Variants in KCNH1 observed in about 807,000 individuals in gnomAD.
KCNH1 encodes voltage-gated delayed rectifier potassium channel KCNH1.
A neutral mutation model predicts 69.2 loss-of-function variants in KCNH1; 27 were observed. That is an observed-to-expected ratio of 0.39 (90% CI 0.29 to 0.54). The LOEUF (loss-of-function observed/expected upper bound fraction) is 0.54. KCNH1 is among the 20% of genes least tolerant of loss of function. The pLI is 0.68. For missense variants in KCNH1, 798 were observed against 1,261.6 expected (o/e 0.63, Z 5.57); for synonymous variants, 456 against 487.7 (o/e 0.93, Z 0.86).
At position 210,733,949 on chromosome 1, in the gene KCNH1, T is replaced by TCACACACA. The variant is rs142236390; in HGVS notation, c.2112+41391_2112+41398dup. Among the ~76,000 whole-genome samples the TCACACACA allele has an allele frequency of 4.1e-4, 33 of 80,486 alleles. No homozygotes were observed. In the South Asian group the frequency reaches 4.3e-3, roughly 10 times the overall value. 52.8% of individuals were successfully genotyped at this position (80,486 alleles called of 152,430 possible). On this transcript the variant is annotated intron_variant, in intron 10 of 10. Transcript: ENST00000271751. The stretch of plus-strand genomic sequence containing the variant: ...TCTTCAATTAGTATGTCTGTCTGTC[T>TCACACACA]CACACACACACACACACACACACAC...
chr1:210,795,252 T>G (rs1684286367), intron 9 of KCNH1, among the ~76,000 whole-genome samples: 1 of 152,034 alleles, frequency 6.6e-6, no homozygotes, highest in Non-Finnish European at 1.5e-5. Flanking sequence ...CCGCTTCTGA[T>G]CCTCCCACCT....
chr1:211,094,380 G>A (rs2102476216), intron 3 of KCNH1, among the ~76,000 whole-genome samples: 1 of 152,328 alleles, frequency 6.6e-6, no homozygotes, highest in African/African-American at 2.4e-5. Context: ...GTAGCAGTCT[G>A]TGGCCTGGGA....
At chr1:210,699,031 C>T (rs73067447) in intron 10 of KCNH1, among the ~76,000 whole-genome samples, 5,089 of 152,332 alleles carry the variant, frequency 0.033, 173 homozygotes, top group African/African-American at 0.091. Flanking sequence ...AAGTGTATTT[C>T]TCCAGCTGGG....
intron 7 of KCNH1, among the ~76,000 whole-genome samples, chr1:210,853,365 A>G (rs563180426): frequency 6.6e-6 from 1 of 152,326 alleles, no homozygotes; most frequent in South Asian, 2.1e-4. Context: ...GAGATGCAGC[A>G]AAGTCCTTGT....
At chr1:210,819,580 CTAG>C (rs1284193493) in intron 7 of KCNH1, among the ~76,000 whole-genome samples, 2 of 151,136 alleles carry the variant, frequency 1.3e-5, no homozygotes, top group Non-Finnish European at 2.9e-5. Context: ...TAAGCAGTGA[CTAG>C]TAGTTAGAAA....
At chr1:210,704,892 C>T (rs952431893) in intron 10 of KCNH1, among the ~76,000 whole-genome samples, 17 of 152,310 alleles carry the variant, frequency 1.1e-4, no homozygotes, top group South Asian at 2.1e-4. Flanking sequence ...GAGCCAGGGA[C>T]GGCAAATGAT....
intron 6 of KCNH1, among the ~76,000 whole-genome samples, chr1:211,000,628 A>T (rs145184581): frequency 5.3e-5 from 8 of 152,144 alleles, no homozygotes; most frequent in Non-Finnish European, 1.0e-4. Flanking sequence ...CATCAAGCTA[A>T]CAATGACTTT....
chr1:210,928,840 A>G (rs1486258207), intron 6 of KCNH1, among the ~76,000 whole-genome samples: 1 of 152,184 alleles, frequency 6.6e-6, no homozygotes, highest in Non-Finnish European at 1.5e-5. Context: ...TACAAACGAA[A>G]CGAGAGATAC....
intron 6 of KCNH1, among the ~76,000 whole-genome samples, chr1:210,972,908 A>G (rs1214227603): frequency 2.0e-4 from 28 of 141,422 alleles, no homozygotes; most frequent in Non-Finnish European, 4.1e-4. Context: ...TTCTCCTTCC[A>G]TTCACTACCA....
intron 5 of KCNH1, 81 bp from the exon 6 acceptor site, chr1:211,019,337 C>T (rs987992210): frequency 2.4e-5 from 20 of 829,044 alleles, no homozygotes; most frequent in South Asian, 1.3e-4. Flanking sequence ...CAGTGATTGA[C>T]AAATGGTCAC....
chr1:211,038,172 A>G (rs985398443), intron 5 of KCNH1, among the ~76,000 whole-genome samples: 12 of 152,088 alleles, frequency 7.9e-5, no homozygotes, highest in Admixed American at 2.0e-4. Context: ...CGTGTTAGCC[A>G]GGATGGTCTC....
At chr1:210,857,439 C>T (rs551974945) in intron 7 of KCNH1, among the ~76,000 whole-genome samples, 1 of 151,788 alleles carries the variant, frequency 6.6e-6, no homozygotes, top group East Asian at 1.9e-4. Context: ...CAGGCAACAA[C>T]AGAAGTTTTC....
intron 2 of KCNH1, among the ~76,000 whole-genome samples, chr1:211,105,174 C>T (rs950745981): frequency 6.6e-6 from 1 of 152,210 alleles, no homozygotes; most frequent in African/African-American, 2.4e-5. Flanking sequence ...AAACGGAAAA[C>T]TGAGCTTGTT....
At chr1:211,073,585 C>A (rs919725854) in intron 5 of KCNH1, among the ~76,000 whole-genome samples, 1 of 152,044 alleles carries the variant, frequency 6.6e-6, no homozygotes, top group South Asian at 2.1e-4. Context: ...TCCAAAAATA[C>A]TTGGAGACTA....
chr1:211,112,616 G>T (rs1481898086), intron 1 of KCNH1, among the ~76,000 whole-genome samples: 4 of 151,584 alleles, frequency 2.6e-5, no homozygotes, highest in Non-Finnish European at 5.9e-5. Context: ...CACCCACTCA[G>T]AAGATTCTCA....
At chr1:211,040,651 C>T (rs1359704636) in intron 5 of KCNH1, among the ~76,000 whole-genome samples, 1 of 152,130 alleles carries the variant, frequency 6.6e-6, no homozygotes, top group Non-Finnish European at 1.5e-5. Context: ...TTTTTCGTGT[C>T]CAGTAAATAT....
rs141269240 is a variant in KCNH1, at chr1:210,741,706, C to G, written c.2112+33642G>C. Among the ~76,000 whole-genome samples, 580 of 152,244 alleles carry G rather than the reference C, an allele frequency of 3.8e-3. 6 individuals are homozygous for G. Among genetic ancestry groups the G allele is most frequent in the Non-Finnish European group, 3.7e-3 (255 of 68,034 alleles). On this transcript the variant is annotated intron_variant, in intron 10 of 10. Transcript: ENST00000271751. Reference sequence around the variant, plus strand: ...AATGTGCCTCCCAAACTGTGTGAGGCCTGCGAGCGTTCTGTGTACAAGAGA... The same window carrying G: ...AATGTGCCTCCCAAACTGTGTGAGGGCTGCGAGCGTTCTGTGTACAAGAGA...
chr1:210,711,927 C>G (rs1176110306), intron 10 of KCNH1, among the ~76,000 whole-genome samples: 1 of 152,190 alleles, frequency 6.6e-6, no homozygotes, highest in African/African-American at 2.4e-5. Context: ...CAGGCTTAGA[C>G]AGTTTCCCTC....
intron 1 of KCNH1, among the ~76,000 whole-genome samples, chr1:211,130,082 C>G (rs991689840): frequency 6.6e-6 from 1 of 152,172 alleles, no homozygotes; most frequent in Admixed American, 6.5e-5. Context: ...ACAACAAGTG[C>G]CTGCAGATTT....
Sources: allele counts gnomAD v4.1 joint callset (sites outside exome capture counted in the v4.1 genomes callset), GRCh38; gene constraint gnomAD v4.1.1; transcripts MANE v1.5; gene names NCBI Gene and HGNC (gene_info 2026-07-23, HGNC 2026-07-21).